Variants in ATP10B observed in about 807,000 individuals in gnomAD.
The protein encoded by ATP10B is ATPase phospholipid transporting 10B (putative), also known as phospholipid-transporting ATPase VB.
ATP10B carries 122 observed loss-of-function variants against 141.2 expected under a neutral mutation model. The ratio of observed to expected loss-of-function variants is 0.86; its 90% confidence interval spans 0.75 to 1.00. The LOEUF is 1.00. Among genes scored for constraint, ATP10B ranks in the 50% least tolerant of loss-of-function variants. The probability of loss-of-function intolerance (pLI) is 0.00; values close to 1 mark genes in which losing one functional copy is unlikely to be tolerated. For missense variants in ATP10B, 1,876 were observed against 1,825.3 expected (o/e 1.03, Z -0.51); for synonymous variants, 685 against 692.0 (o/e 0.99, Z 0.16).
chr5:160,870,661 A>G, the ATP10B span, among the ~76,000 whole-genome samples: 2 of 152,152 alleles, frequency 1.3e-5, no homozygotes, highest in Non-Finnish European at 2.9e-5. Context: ...GTTTGAAACA[A>G]TACTGGCTGA....
intron 1 of ATP10B, among the ~76,000 whole-genome samples, chr5:160,826,506 G>C (rs1349825497): frequency 1.3e-5 from 2 of 152,180 alleles, no homozygotes; most frequent in African/African-American, 4.8e-5. Flanking sequence ...TGTGCTAACT[G>C]TACAAATTGA....
intron 22 of ATP10B, among the ~76,000 whole-genome samples, chr5:160,593,271 G>A (rs1015006036): frequency 6.6e-6 from 1 of 152,224 alleles, no homozygotes; most frequent in African/African-American, 2.4e-5. Context: ...AAAATCTGCT[G>A]TTCTGCAGCC....
intron 1 of ATP10B, among the ~76,000 whole-genome samples, chr5:160,833,365 A>C (rs1775222053): frequency 6.6e-6 from 1 of 152,166 alleles, no homozygotes; most frequent in African/African-American, 2.4e-5. Flanking sequence ...GGTAGTGGTG[A>C]AGTGAATTTA....
intron 22 of ATP10B, among the ~76,000 whole-genome samples, chr5:160,594,435 C>T (rs1275228300): frequency 1.4e-4 from 21 of 152,224 alleles, no homozygotes; most frequent in East Asian, 7.7e-4. Context: ...TGCAAAATCA[C>T]GCCAAATTGT....
At chr5:160,751,230 T>A (rs1010413624) in intron 2 of ATP10B, among the ~76,000 whole-genome samples, 14 of 152,200 alleles carry the variant, frequency 9.2e-5, no homozygotes, top group African/African-American at 3.1e-4. Context: ...ACTGACCACA[T>A]CAGCCACAGT....
At chr5:160,829,142 G>A (rs1398347482) in intron 1 of ATP10B, among the ~76,000 whole-genome samples, 1 of 151,732 alleles carries the variant, frequency 6.6e-6, no homozygotes, top group Admixed American at 6.6e-5. Context: ...CACCAGCATG[G>A]CACATGTATA....
At chr5:160,669,922 A>AAAAAAAAAAAAAGAAAG (rs1202583963) in intron 7 of ATP10B, among the ~76,000 whole-genome samples, 2 of 150,680 alleles carry the variant, frequency 1.3e-5, no homozygotes, top group African/African-American at 4.9e-5. Flanking sequence ...GTCTCTTAAA[A>AAAAAAAAAAAAAGAAAG]AAAAAAAGAT....
chr5:160,767,647 A>C (rs1032321984), intron 2 of ATP10B, among the ~76,000 whole-genome samples: 4 of 66,184 alleles, frequency 6.0e-5, no homozygotes, highest in Non-Finnish European at 9.8e-5. Flanking sequence ...CCCCCCCCCC[A>C]AAATAACAGG....
chr5:160,838,779 G>T (rs950615983), intron 1 of ATP10B, among the ~76,000 whole-genome samples: 1 of 152,118 alleles, frequency 6.6e-6, no homozygotes, highest in African/African-American at 2.4e-5. Context: ...TTGGACATTT[G>T]TCCCTCCAAT....
intron 2 of ATP10B, among the ~76,000 whole-genome samples, chr5:160,724,437 A>T (rs1431491959): frequency 6.6e-6 from 1 of 152,014 alleles, no homozygotes; most frequent in African/African-American, 2.4e-5. Context: ...CCTTAAAAAT[A>T]TGTCAAGTTA....
intron 1 of ATP10B, among the ~76,000 whole-genome samples, chr5:160,834,411 G>T (rs1775291487): frequency 1.3e-5 from 2 of 152,194 alleles, no homozygotes; most frequent in East Asian, 1.9e-4. Flanking sequence ...TATGCTCCTA[G>T]GGTAATGAGC....
intron 7 of ATP10B, among the ~76,000 whole-genome samples, chr5:160,657,781 AC>A (rs1368761130): frequency 1.3e-5 from 2 of 152,302 alleles, no homozygotes; most frequent in African/African-American, 4.8e-5. Flanking sequence ...ATGCAGTCGC[AC>A]CCTGTATCTC....
At chr5:160,622,669 G>T in intron 13 of ATP10B, 84 bp from the exon 14 acceptor site, 1 of 1,272,690 alleles carries the variant, frequency 7.9e-7, no homozygotes, top group Non-Finnish European at 1.1e-6. Flanking sequence ...GGGAAAGGAT[G>T]ATGCAGCTTC....
Position 160,686,198 on chromosome 5 carries a change from G to T in ATP10B, c.351C>A (p.Ile117=). ...MPSMEVFHRE[I]TMLPLAIVLF... is the part of the protein sequence containing the mutation. ...GGACAATGGCCAATGGTAACATGGT[G>T]ATTTCTCTGTGGAAGACTTCCATGG... Residue 117 remains isoleucine, a synonymous_variant, in exon 6 of 26, where the codon ATC becomes ATA. Coordinates refer to ENST00000327245, the MANE Select transcript of ATP10B (RefSeq NM_025153.3). 6.2e-7 allele frequency: 1 copy of T among 1,613,014 alleles called. No individual in the cohort carries two copies. The highest frequency in any genetic ancestry group is 8.5e-7 in the Non-Finnish European group (1 of 1,179,234).
chr5:160,815,536 A>G (rs1773539959), intron 1 of ATP10B, among the ~76,000 whole-genome samples: 1 of 151,330 alleles, frequency 6.6e-6, no homozygotes, highest in African/African-American at 2.4e-5. Flanking sequence ...GAGACCTACA[A>G]AGAGACTTAG....
chr5:160,629,772 C>G (rs577663299), intron 13 of ATP10B, among the ~76,000 whole-genome samples: 131 of 152,276 alleles, frequency 8.6e-4, no homozygotes, highest in African/African-American at 3.1e-3. Context: ...TTTCAGTAAG[C>G]CCACCAAAGT....
intron 1 of ATP10B, among the ~76,000 whole-genome samples, chr5:160,818,450 A>G (rs955773332): frequency 1.3e-5 from 2 of 152,252 alleles, no homozygotes; most frequent in Non-Finnish European, 2.9e-5. Context: ...CCACAATGAG[A>G]TACCATCTCA....
the ATP10B span, among the ~76,000 whole-genome samples, chr5:160,871,648 C>T: frequency 6.6e-6 from 1 of 152,152 alleles, no homozygotes; most frequent in African/African-American, 2.4e-5. Context: ...AGTTACTTCA[C>T]TTAAAAGAAT....
chr5:160,658,320 G>A (rs1761649675), intron 7 of ATP10B, among the ~76,000 whole-genome samples: 1 of 152,194 alleles, frequency 6.6e-6, no homozygotes, highest in African/African-American at 2.4e-5. Flanking sequence ...TGTTGCCTAG[G>A]CAGAGAGAGG....
Sources: allele counts gnomAD v4.1 joint callset (sites outside exome capture counted in the v4.1 genomes callset), GRCh38; gene constraint gnomAD v4.1.1; transcripts MANE v1.5; gene names NCBI Gene and HGNC (gene_info 2026-07-23, HGNC 2026-07-21).